Variants in ARHGAP35 observed in about 807,000 individuals in gnomAD.
ARHGAP35 encodes the protein rho GTPase-activating protein 35.
A neutral mutation model predicts 111.1 loss-of-function variants in ARHGAP35; 15 were observed. The observed-to-expected ratio is 0.13, with a 90% confidence interval of 0.09 to 0.21. The LOEUF (loss-of-function observed/expected upper bound fraction) is 0.21. Among genes scored for constraint, ARHGAP35 ranks in the 10% least tolerant of loss-of-function variants. The pLI, the probability that ARHGAP35 is intolerant of heterozygous loss-of-function variation, is 1.00. For synonymous variants in ARHGAP35, 643 were observed against 710.3 expected, an observed-to-expected ratio of 0.91 and a Z score of 1.51; for missense variants, 1,262 against 1,873.0, an observed-to-expected ratio of 0.67 and a Z score of 6.02.
chr19:46,878,212 G>A (rs887139501), intron 1 of ARHGAP35, among the ~76,000 whole-genome samples: 42 of 151,932 alleles, frequency 2.8e-4, no homozygotes, highest in African/African-American at 9.4e-4. Context: ...TAGTAAAAAC[G>A]GGATTTCTCC....
chr19:46,868,360 G>A (rs1032726566), intron 1 of ARHGAP35, among the ~76,000 whole-genome samples: 3 of 152,062 alleles, frequency 2.0e-5, no homozygotes, highest in Non-Finnish European at 2.9e-5. Context: ...GGAATTTATG[G>A]TCAATTGTAA....
At chr19:46,955,763 T>C (rs1460072530) in intron 3 of ARHGAP35, among the ~76,000 whole-genome samples, 1 of 152,150 alleles carries the variant, frequency 6.6e-6, no homozygotes, top group Non-Finnish European at 1.5e-5. Context: ...GAGCAACCCT[T>C]TAAACCATTT....
chr19:46,921,322 A>G lies in ARHGAP35; in HGVS notation c.2647A>G (p.Ile883Val), dbSNP rs1470380955. ...FLCEVQDIIP[I>V]QLVALTDGAV... ...TTGTGAAGTGCAGGATATTATCCCT[A>G]TTCAGCTTGTAGCACTCACTGATGG... The change falls in exon 2 of 7, where the codon ATT becomes GTT. Residue 883 changes from isoleucine (I) to valine (V), a missense_variant. Around this residue, in one of 8 missense-constraint regions of ARHGAP35, gnomAD observed 579 missense variants for 716.9 expected, o/e 0.81. Coordinates refer to ENST00000672722, the MANE Select transcript of ARHGAP35 (RefSeq NM_004491.5). This position sits in a 1 kb window ranked among gnomAD's most constrained non-coding sequence, Gnocchi z 4.3. 12 of 1,613,840 alleles carry G rather than the reference A, an allele frequency of 7.4e-6. No individual in the cohort carries two copies. Among genetic ancestry groups the G allele is most frequent in the African/African-American group, 6.7e-5 (5 of 74,896 alleles).
At chr19:46,871,489 C>G (rs1300589934) in intron 1 of ARHGAP35, among the ~76,000 whole-genome samples, 5 of 151,990 alleles carry the variant, frequency 3.3e-5, no homozygotes, top group Middle Eastern at 3.4e-3. Context: ...ATTACAGGTG[C>G]GTGCCACCAC....
chr19:46,902,226 A>AGT (rs1325109059), intron 1 of ARHGAP35, among the ~76,000 whole-genome samples: 1 of 152,220 alleles, frequency 6.6e-6, no homozygotes, highest in Non-Finnish European at 1.5e-5. Context: ...TAGTTGGCAA[A>AGT]GTAGTAGAGG....
intron 2 of ARHGAP35, among the ~76,000 whole-genome samples, chr19:46,933,137 CTTTTTTTTTT>C (rs1174653724): frequency 2.0e-5 from 2 of 99,544 alleles, no homozygotes; most frequent in Admixed American, 2.4e-4. Flanking sequence ...AGTGTGCCTT[CTTTTTTTTTT>C]TTTTTTTTTT....
At chr19:46,955,996 C>G (rs2056437050) in intron 3 of ARHGAP35, among the ~76,000 whole-genome samples, 1 of 152,180 alleles carries the variant, frequency 6.6e-6, no homozygotes, top group South Asian at 2.1e-4. Context: ...CCCCACCTGA[C>G]CCCATGTGGT....
At chr19:46,885,422 A>C in intron 1 of ARHGAP35, among the ~76,000 whole-genome samples, 1 of 152,336 alleles carries the variant, frequency 6.6e-6, no homozygotes, top group South Asian at 2.1e-4. Context: ...CAGGCCATGC[A>C]TGCTAGGTGA....
Position 47,000,250 on chromosome 19 carries a change from C to T in ARHGAP35, c.4143-81C>T. On this transcript the variant is annotated intron_variant, in intron 6 of 6. Transcript: ENST00000672722. The surrounding 1 kb of genome is among the most constrained non-coding windows in gnomAD (Gnocchi z 6.9). ...CTGAGGGAAGAAAGGTGGGCTCAGC[C>T]TGGGTGCTGAAGACCATGAGCGCCC... is the stretch of plus-strand genomic sequence containing the variant. 1 of 1,432,514 alleles carries T rather than the reference C, an allele frequency of 7.0e-7. No individual in the cohort carries two copies. Among genetic ancestry groups the T allele is most frequent in the African/African-American group, 1.4e-5 (1 of 70,470 alleles). The allele number at this position is 1,432,514 out of a possible 1,614,324, so 88.7% of individuals were successfully genotyped here.
chr19:46,865,791 CTT>C (rs2055852485), intron 1 of ARHGAP35, among the ~76,000 whole-genome samples: 1 of 152,222 alleles, frequency 6.6e-6, no homozygotes, highest in African/African-American at 2.4e-5. Context: ...TCTGCTGTGA[CTT>C]TTGTCGGTCA....
intron 1 of ARHGAP35, among the ~76,000 whole-genome samples, chr19:46,885,075 C>T (rs1012665137): frequency 6.6e-6 from 1 of 152,128 alleles, no homozygotes; most frequent in Admixed American, 6.6e-5. Flanking sequence ...GTCCCCATGG[C>T]TTTGGGCATT....
chr19:47,001,470 G>T lies in ARHGAP35; in HGVS notation c.*782G>T. 1.7e-6 allele frequency: 2 copies of T among 1,169,382 alleles called. No homozygotes were observed. The highest frequency in any genetic ancestry group is 5.8e-5 in the East Asian group (1 of 17,368). 72.4% of individuals were successfully genotyped at this position (1,169,382 alleles called of 1,614,324 possible). ...AAGATTCCACTCTGTGCCCGCCTCT[G>T]CCGGGAGGGAGGGAGGCACACAGGT... On this transcript the variant is annotated 3_prime_UTR_variant, in exon 7 of 7. Coordinates refer to ENST00000672722, the MANE Select transcript of ARHGAP35 (RefSeq NM_004491.5). The surrounding 1 kb of genome is among the most constrained non-coding windows in gnomAD (Gnocchi z 5.4).
At chr19:46,948,934 G>T (rs918904644) in intron 3 of ARHGAP35, 1 of 152,192 alleles carries the variant, frequency 6.6e-6, no homozygotes, top group Non-Finnish European at 1.5e-5. Context: ...GAGGCAGGTG[G>T]ATCACAAGGT....
chr19:46,993,408 C>A lies in ARHGAP35; in HGVS notation c.4036+3733C>A, dbSNP rs2056689896. 1.3e-5 allele frequency among the ~76,000 whole-genome samples: 2 copies of A among 152,368 alleles called. No individual in the cohort carries two copies. Among genetic ancestry groups the A allele is most frequent in the South Asian group, 4.1e-4 (2 of 4,832 alleles). ...GCCTAGAGCTTGGTTGGCAGCCTGG[C>A]TGCCAGTGATGGCAAGTGGCGCAGC... On this transcript the variant is annotated intron_variant, in intron 5 of 6. Coordinates refer to ENST00000672722, the MANE Select transcript of ARHGAP35 (RefSeq NM_004491.5). The surrounding 1 kb of genome is among the most constrained non-coding windows in gnomAD (Gnocchi z 4.6).
chr19:46,876,534 G>A (rs1182858614), intron 1 of ARHGAP35, among the ~76,000 whole-genome samples: 2 of 151,754 alleles, frequency 1.3e-5, no homozygotes, highest in Admixed American at 6.6e-5. Context: ...CACCACGCCC[G>A]GCTAATTTTT....
intron 1 of ARHGAP35, among the ~76,000 whole-genome samples, chr19:46,898,889 G>C (rs2056070493): frequency 6.6e-6 from 1 of 152,152 alleles, no homozygotes. Context: ...TGCGGTGTGT[G>C]TAGTTGCCTG....
Position 46,922,234 on chromosome 19 carries a change from C to A in ARHGAP35, c.3559C>A (p.Arg1187=), listed in dbSNP as rs754809756. The part of the protein sequence containing the change: ...VGSDDELGPI[R]KKEEDQASQG... ...GAGTGATGATGAGCTGGGGCCCATC[C>A]GGAAGAAAGAGGAGGATCAGGCATC... The change falls in exon 2 of 7, where the codon CGG becomes AGG. Residue 1187 remains arginine, a synonymous_variant. Coordinates refer to ENST00000672722, the MANE Select transcript of ARHGAP35 (RefSeq NM_004491.5). The surrounding 1 kb of genome is among the most constrained non-coding windows in gnomAD (Gnocchi z 4.0). 6.2e-7 allele frequency: 1 copy of A among 1,613,936 alleles called. No individual in the cohort carries two copies. Among genetic ancestry groups the A allele is most frequent in the East Asian group, 2.2e-5 (1 of 44,882 alleles).
chr19:46,875,676 C>G (rs903661605), intron 1 of ARHGAP35, among the ~76,000 whole-genome samples: 3 of 151,934 alleles, frequency 2.0e-5, no homozygotes, highest in African/African-American at 7.3e-5. Flanking sequence ...AACTAAATAC[C>G]ATAACGCTAA....
In ARHGAP35 at chr19:46,949,676, C is replaced by T. The variant is rs116860135; in HGVS notation, c.3826+12268C>T. On this transcript the variant is annotated intron_variant, in intron 3 of 6. Coordinates refer to ENST00000672722, the MANE Select transcript of ARHGAP35 (RefSeq NM_004491.5). ...ACCTTTGCCAGGCAGGAGTAGCTGGCCAACCATAGGCAAGACACCTAAACT... is the reference window on the plus strand; with the variant it reads ...ACCTTTGCCAGGCAGGAGTAGCTGGTCAACCATAGGCAAGACACCTAAACT... Among the ~76,000 whole-genome samples, 1,130 of 152,326 alleles carry T rather than the reference C, an allele frequency of 7.4e-3. 6 individuals carry two copies. The highest frequency in any genetic ancestry group is 0.011 in the Non-Finnish European group (779 of 68,026).
Sources: allele counts gnomAD v4.1 joint callset (sites outside exome capture counted in the v4.1 genomes callset), GRCh38; gene constraint gnomAD v4.1.1; regional missense constraint gnomAD v4.1.1; non-coding constraint Gnocchi (gnomAD v3.1); transcripts MANE v1.5; gene names NCBI Gene and HGNC (gene_info 2026-07-23, HGNC 2026-07-21).